PLCB1: variants seen among roughly 807,000 people sequenced by gnomAD.
PLCB1 encodes 1-phosphatidylinositol 4,5-bisphosphate phosphodiesterase beta-1.
A neutral mutation model predicts 161.8 loss-of-function variants in PLCB1; 46 were observed. The ratio of observed to expected loss-of-function variants is 0.28; its 90% CI spans 0.22 to 0.36. PLCB1 has a LOEUF of 0.36. PLCB1 is among the 10% of genes least tolerant of loss of function. The pLI is 1.00. For missense variants in PLCB1, 1,016 were observed against 1,472.5 expected (o/e 0.69, Z 5.07); for synonymous variants, 517 against 503.7 (o/e 1.03, Z -0.35).
At chr20:8,436,618 C>G (rs1980324625) in intron 3 of PLCB1, among the ~76,000 whole-genome samples, 1 of 151,562 alleles carries the variant, frequency 6.6e-6, no homozygotes, top group Admixed American at 6.6e-5. Flanking sequence ...TATTTTTTCT[C>G]CATGTATTGC....
At chr20:8,425,499 G>C (rs1403519641) in intron 3 of PLCB1, among the ~76,000 whole-genome samples, 2 of 152,006 alleles carry the variant, frequency 1.3e-5, no homozygotes, top group Non-Finnish European at 2.9e-5. Flanking sequence ...ACCAGGTCTA[G>C]GGGGCACCTG....
chr20:8,189,878 C>T (rs1212985641), intron 2 of PLCB1, among the ~76,000 whole-genome samples: 1 of 151,806 alleles, frequency 6.6e-6, no homozygotes, highest in Non-Finnish European at 1.5e-5. Flanking sequence ...TACCATGTTT[C>T]AAGGGAATGT....
chr20:8,588,327 A>T (rs1397567347), intron 3 of PLCB1, among the ~76,000 whole-genome samples: 1 of 152,124 alleles, frequency 6.6e-6, no homozygotes, highest in Non-Finnish European at 1.5e-5. Flanking sequence ...GACACTTTTA[A>T]ATTGCTTTGA....
At chr20:8,322,657 A>G (rs1984971676) in intron 2 of PLCB1, among the ~76,000 whole-genome samples, 1 of 152,222 alleles carries the variant, frequency 6.6e-6, no homozygotes, top group Non-Finnish European at 1.5e-5. Context: ...GCCTTAGATC[A>G]TCAGACATCA....
intron 2 of PLCB1, among the ~76,000 whole-genome samples, chr20:8,351,407 A>G (rs146783699): frequency 4.6e-4 from 70 of 152,254 alleles, no homozygotes; most frequent in Admixed American, 3.7e-3. Context: ...AATAGAATAA[A>G]TTTTGTACAA....
chr20:8,621,021 A>G (rs1988169698), intron 3 of PLCB1, among the ~76,000 whole-genome samples: 1 of 152,184 alleles, frequency 6.6e-6, no homozygotes, highest in South Asian at 2.1e-4. Flanking sequence ...GAAAACTTAA[A>G]TCTCACCAAT....
intron 2 of PLCB1, among the ~76,000 whole-genome samples, chr20:8,274,997 C>T (rs1445115891): frequency 6.6e-6 from 1 of 152,066 alleles, no homozygotes; most frequent in African/African-American, 2.4e-5. Context: ...TTCGATGCCC[C>T]TTTTCAAACA....
intron 2 of PLCB1, among the ~76,000 whole-genome samples, chr20:8,281,425 C>T (rs1237670562): frequency 1.3e-5 from 2 of 151,942 alleles, no homozygotes; most frequent in African/African-American, 2.4e-5. Context: ...GTTCATAATT[C>T]AGCAGCAAAG....
chr20:8,784,278 T>A (rs1983375281), intron 27 of PLCB1, among the ~76,000 whole-genome samples: 1 of 152,038 alleles, frequency 6.6e-6, no homozygotes, highest in Non-Finnish European at 1.5e-5. Context: ...GAAAACTAGC[T>A]GAGGTCGGGC....
intron 2 of PLCB1, among the ~76,000 whole-genome samples, chr20:8,237,526 A>G (rs927327446): frequency 2.6e-5 from 4 of 152,106 alleles, no homozygotes; most frequent in African/African-American, 9.7e-5. Context: ...TTCTACAGCA[A>G]GCATATATTA....
intron 3 of PLCB1, among the ~76,000 whole-genome samples, chr20:8,525,383 G>A (rs1339113371): frequency 6.6e-6 from 1 of 152,062 alleles, no homozygotes. Flanking sequence ...ATTTATTTGG[G>A]GTTGAAATGT....
rs115903540 is a variant in PLCB1 at position 8,509,182 on chromosome 20, G to A, written c.247-119112G>A. Among the ~76,000 whole-genome samples, 1,247 of 152,082 alleles carry A rather than the reference G, an allele frequency of 8.2e-3. 15 individuals carry two copies. The highest frequency in any genetic ancestry group is 0.028 in the African/African-American group (1,164 of 41,472). On this transcript the variant is annotated intron_variant, in intron 3 of 31. Coordinates refer to ENST00000338037, the MANE Select transcript of PLCB1 (RefSeq NM_015192.4). ...TAGTAGCAATTCAACATTAAACCTC[G>A]ACTAGTGTTGAATAATATTTTGGGG...
chr20:8,482,739 T>C lies in PLCB1; in HGVS notation c.246+111289T>C, dbSNP rs149699983. 1.6e-3 allele frequency among the ~76,000 whole-genome samples: 239 copies of C among 152,264 alleles called. 2 individuals carry two copies. Among genetic ancestry groups the C allele is most frequent in the Middle Eastern group, 6.8e-3 (2 of 294 alleles). ...CGCAATTTTATAGATTGGAAAAATA[T>C]AGAAATCCAGACTGCTTGCCAAGTG... On this transcript the variant is annotated intron_variant, in intron 3 of 31. Coordinates refer to ENST00000338037, the MANE Select transcript of PLCB1 (RefSeq NM_015192.4).
chr20:8,687,061 T>A (rs747116334), intron 10 of PLCB1, among the ~76,000 whole-genome samples: 13 of 151,998 alleles, frequency 8.6e-5, no homozygotes, highest in Non-Finnish European at 1.9e-4. Flanking sequence ...GGCCTCACTC[T>A]GTTGCCCAGG....
At position 8,803,913 on chromosome 20, in the gene PLCB1, C is replaced by T. The variant is rs1236055957; in HGVS notation, c.3423+13652C>T. Among the ~76,000 whole-genome samples the T allele has an allele frequency of 2.0e-5, 3 of 152,052 alleles. 1 individual carries two copies. The highest frequency in any genetic ancestry group is 4.4e-5 in the Non-Finnish European group (3 of 68,012). ...GGTTCAAGTGATTCTCCTGCCTCAG[C>T]CTCCCGAGTAGCTGGGATTACAGGC... On this transcript the variant is annotated intron_variant, in intron 31 of 31. Transcript: ENST00000338037.
intron 3 of PLCB1, among the ~76,000 whole-genome samples, chr20:8,556,860 T>G (rs1163362874): frequency 1.3e-5 from 2 of 151,482 alleles, no homozygotes; most frequent in African/African-American, 4.8e-5. Flanking sequence ...AAGAGATATT[T>G]AAATGGAAAT....
intron 31 of PLCB1, among the ~76,000 whole-genome samples, chr20:8,846,682 A>G (rs1188736476): frequency 6.6e-6 from 1 of 152,166 alleles, no homozygotes; most frequent in East Asian, 1.9e-4. Context: ...CCTGGCTTGT[A>G]TCATATTGAT....
intron 3 of PLCB1, among the ~76,000 whole-genome samples, chr20:8,494,409 G>A (rs1224937159): frequency 1.3e-5 from 2 of 152,110 alleles, no homozygotes; most frequent in Non-Finnish European, 2.9e-5. Context: ...GATAAGATAC[G>A]TTGTATTGTT....
chr20:8,544,419 T>G (rs1985455617), intron 3 of PLCB1, among the ~76,000 whole-genome samples: 1 of 152,206 alleles, frequency 6.6e-6, no homozygotes, highest in Non-Finnish European at 1.5e-5. Context: ...ATTCTATTTT[T>G]GCCTCACTTC....
Sources: allele counts gnomAD v4.1 joint callset (sites outside exome capture counted in the v4.1 genomes callset), GRCh38; gene constraint gnomAD v4.1.1; transcripts MANE v1.5; gene names NCBI Gene and HGNC (gene_info 2026-07-23, HGNC 2026-07-21).